RPSA2: variants seen among roughly 807,000 people sequenced by gnomAD.
RPSA2 encodes ribosomal protein SA 2, also known as small ribosomal subunit protein uS2B.
At chr19:23,827,627 T>C in the RPSA2 span, 32 of 1,593,324 alleles carry the variant, frequency 2.0e-5, no homozygotes, top group African/African-American at 2.0e-4. Flanking sequence ...TCCTCTGCGC[T>C]ATGTGGACAT....
At chr19:23,860,545 A>C in the RPSA2 span, among the ~76,000 whole-genome samples, 1 of 152,146 alleles carries the variant, frequency 6.6e-6, no homozygotes, top group Non-Finnish European at 1.5e-5. Context: ...CCATCTTTGC[A>C]GTTCTAGAGC....
At chr19:23,805,893 ACTT>A in the RPSA2 span, among the ~76,000 whole-genome samples, 7 of 152,078 alleles carry the variant, frequency 4.6e-5, no homozygotes, top group African/African-American at 1.7e-4. Context: ...CTACATCACG[ACTT>A]CTTATATGCC....
chr19:23,850,455 T>C, the RPSA2 span, among the ~76,000 whole-genome samples: 2 of 133,902 alleles, frequency 1.5e-5, no homozygotes, highest in Admixed American at 8.0e-5. Flanking sequence ...CCATTGCCAT[T>C]AGGGAGGATT....
At chr19:23,856,234 C>T in the RPSA2 span, among the ~76,000 whole-genome samples, 1 of 152,028 alleles carries the variant, frequency 6.6e-6, no homozygotes, top group Admixed American at 6.5e-5. Flanking sequence ...GGCCAAATCA[C>T]CCCAAACGGT....
chr19:23,804,955 C>G, the RPSA2 span, among the ~76,000 whole-genome samples: 75 of 151,568 alleles, frequency 4.9e-4, no homozygotes, highest in Middle Eastern at 0.017. Flanking sequence ...GTTCAAGATA[C>G]ATTTATGAGA....
chr19:23,833,233 A>T, the RPSA2 span: 4 of 1,041,426 alleles, frequency 3.8e-6, no homozygotes, highest in Non-Finnish European at 4.6e-6. Context: ...CAAATGGGAA[A>T]AATTTGGCAA....
the RPSA2 span, among the ~76,000 whole-genome samples, chr19:23,856,466 C>A: frequency 2.8e-3 from 426 of 152,106 alleles, 2 homozygotes; most frequent in Middle Eastern, 0.014. Context: ...TCTGTGTGAC[C>A]CATACTTACC....
the RPSA2 span, among the ~76,000 whole-genome samples, chr19:23,762,323 TGA>T: frequency 2.0e-5 from 3 of 151,906 alleles, no homozygotes; most frequent in African/African-American, 7.3e-5. Flanking sequence ...TACGGCATGG[TGA>T]GAGAGGCGCT....
At chr19:23,843,042 G>A in the RPSA2 span, 1 of 152,742 alleles carries the variant, frequency 6.5e-6, no homozygotes, top group Non-Finnish European at 1.5e-5. Context: ...GTATTCTAAA[G>A]GTTCTGTCAG....
At chr19:23,826,548 A>G in the RPSA2 span, among the ~76,000 whole-genome samples, 2 of 152,000 alleles carry the variant, frequency 1.3e-5, no homozygotes, top group African/African-American at 4.8e-5. Flanking sequence ...TTTGTTTTTA[A>G]CAGTATAACT....
chr19:23,797,099 T>A, the RPSA2 span, among the ~76,000 whole-genome samples: 19 of 150,456 alleles, frequency 1.3e-4, no homozygotes, highest in South Asian at 2.2e-4. Flanking sequence ...TTTTTTATTT[T>A]TATTTATATT....
chr19:23,792,035 C>T, the RPSA2 span, among the ~76,000 whole-genome samples: 1 of 152,108 alleles, frequency 6.6e-6, no homozygotes, highest in African/African-American at 2.4e-5. Flanking sequence ...TGATTGTTTA[C>T]TACATGATTT....
At chr19:23,867,080 G>A in the RPSA2 span, among the ~76,000 whole-genome samples, 1 of 152,122 alleles carries the variant, frequency 6.6e-6, no homozygotes, top group Non-Finnish European at 1.5e-5. Flanking sequence ...GGGTTTGGGA[G>A]CACAACTACA....
At chr19:23,844,892 T>C in the RPSA2 span, among the ~76,000 whole-genome samples, 4 of 150,768 alleles carry the variant, frequency 2.7e-5, no homozygotes, top group African/African-American at 9.7e-5. Context: ...TATCTAGTTC[T>C]GAGCTTTTCT....
chr19:23,759,304 T>G, the RPSA2 span, among the ~76,000 whole-genome samples: 1 of 152,146 alleles, frequency 6.6e-6, no homozygotes, highest in African/African-American at 2.4e-5. Flanking sequence ...ATTCAAATCT[T>G]CCTGGATGGG....
At chr19:23,810,046 GT>G in the RPSA2 span, among the ~76,000 whole-genome samples, 4 of 152,194 alleles carry the variant, frequency 2.6e-5, no homozygotes, top group East Asian at 7.7e-4. Flanking sequence ...TTGTAGCTTG[GT>G]CTTAAGGCTG....
At chr19:23,840,962 C>CAA in the RPSA2 span, among the ~76,000 whole-genome samples, 7 of 117,714 alleles carry the variant, frequency 5.9e-5, no homozygotes, top group African/African-American at 2.3e-4. Context: ...AACTCCGTCT[C>CAA]AAAAAAAAAA....
chr19:23,849,037 A>C, the RPSA2 span, among the ~76,000 whole-genome samples: 1 of 152,260 alleles, frequency 6.6e-6, no homozygotes, highest in African/African-American at 2.4e-5. Context: ...ACCAGTATCC[A>C]GATTCCTTCT....
chr19:23,843,831 C>T, the RPSA2 span, among the ~76,000 whole-genome samples: 1 of 152,138 alleles, frequency 6.6e-6, no homozygotes, highest in Non-Finnish European at 1.5e-5. Flanking sequence ...ATGGTCTCAG[C>T]TTACCGCAAT....
Sources: allele counts gnomAD v4.1 joint callset (sites outside exome capture counted in the v4.1 genomes callset), GRCh38; gene constraint gnomAD v4.1.1; transcripts MANE v1.5; gene names NCBI Gene and HGNC (gene_info 2026-07-23, HGNC 2026-07-21).